Variants in STX8 observed in about 807,000 individuals in gnomAD.
The protein encoded by STX8 is syntaxin-8.
STX8 carries 23 observed loss-of-function variants against 37.5 expected under a neutral mutation model. That is an observed-to-expected ratio of 0.61 (90% CI 0.44 to 0.87). The LOEUF (loss-of-function observed/expected upper bound fraction) is 0.87, where lower values mean the gene tolerates loss of function less well. STX8 is among the 40% of genes least tolerant of loss of function. STX8 has a pLI of 0.00. For missense variants in STX8, 313 were observed against 284.7 expected (o/e 1.10, Z -0.71); for synonymous variants, 115 against 99.1 (o/e 1.16, Z -0.95).
At chr17:9,511,834 A>G (rs534665701) in intron 4 of STX8, among the ~76,000 whole-genome samples, 1 of 152,322 alleles carries the variant, frequency 6.6e-6, no homozygotes, top group Non-Finnish European at 1.5e-5. Flanking sequence ...TATAGAGAGA[A>G]AAGCCTAAAG....
At chr17:9,529,246 T>TGAGA (rs1567598900) in intron 4 of STX8, among the ~76,000 whole-genome samples, 356 of 12,816 alleles carry the variant, frequency 0.028, 3 homozygotes, top group African/African-American at 0.065. Flanking sequence ...GACATAGCTC[T>TGAGA]TAGAGAGAGA....
intron 6 of STX8, among the ~76,000 whole-genome samples, chr17:9,420,538 G>A (rs2142349722): frequency 6.6e-6 from 1 of 152,208 alleles, no homozygotes; most frequent in Non-Finnish European, 1.5e-5. Context: ...GTTCTGGCCT[G>A]TTTCTCAGTC....
At position 9,302,463 on chromosome 17, in the gene STX8, C is replaced by T. The variant is rs148251592; in HGVS notation, c.644-51818G>A. Among the ~76,000 whole-genome samples the T allele has an allele frequency of 4.1e-3, 625 of 152,208 alleles. 2 individuals carry two copies. The highest frequency in any genetic ancestry group is 0.013 in the African/African-American group (555 of 41,520). ...TTAATCTAAAGTCCTAAATGGTATC[C>T]TTAAGTTACCTATTCTTATTTTTTT... On this transcript the variant is annotated intron_variant, in intron 7 of 7. Coordinates refer to ENST00000306357, the MANE Select transcript of STX8 (RefSeq NM_004853.3).
At chr17:9,517,788 TAAAAAAAAAAA>T (rs11318149) in intron 4 of STX8, among the ~76,000 whole-genome samples, 2 of 98,748 alleles carry the variant, frequency 2.0e-5, no homozygotes, top group African/African-American at 7.5e-5. Flanking sequence ...ACCCCTATTG[TAAAAAAAAAAA>T]AAAAAAAAAA....
rs151238616 is a variant in STX8 at position 9,287,963 on chromosome 17, T to C, written c.644-37318A>G. ...CAGGGTTTCACCATGTTGGCCAGGA[T>C]GGTTTCAATCTCTTGACCTTGTGAT... On this transcript the variant is annotated intron_variant, in intron 7 of 7. Coordinates refer to ENST00000306357, the MANE Select transcript of STX8 (RefSeq NM_004853.3). Among the ~76,000 whole-genome samples the C allele has an allele frequency of 6.0e-3, 904 of 151,688 alleles. 7 individuals are homozygous for C. The highest frequency in any genetic ancestry group is 0.02 in the African/African-American group (836 of 41,346).
chr17:9,322,512 G>A (rs752988690), intron 7 of STX8, among the ~76,000 whole-genome samples: 1 of 152,146 alleles, frequency 6.6e-6, no homozygotes, highest in Non-Finnish European at 1.5e-5. Flanking sequence ...ACAGCCCAGG[G>A]GGTGGGACCA....
chr17:9,500,535 G>A (rs1200464344), intron 5 of STX8, among the ~76,000 whole-genome samples: 1 of 152,196 alleles, frequency 6.6e-6, no homozygotes, highest in Non-Finnish European at 1.5e-5. Context: ...GAGGACTGCA[G>A]AGAGTACTCT....
Position 9,446,094 on chromosome 17 carries a change from C to T in STX8, c.541+45735G>A, listed in dbSNP as rs566113553. On this transcript the variant is annotated intron_variant, in intron 6 of 7. Transcript: ENST00000306357. ...CTTGTGATCTGCCCTCCTCAGCCTCCCAAAGTGCTGGGATTACAGGCGTGA... is the reference window on the plus strand; with the variant it reads ...CTTGTGATCTGCCCTCCTCAGCCTCTCAAAGTGCTGGGATTACAGGCGTGA... Among the ~76,000 whole-genome samples, 9 of 152,224 alleles carry T rather than the reference C, an allele frequency of 5.9e-5. No individual in the cohort carries two copies. In the East Asian group the frequency reaches 1.7e-3, roughly 29 times the overall value.
chr17:9,522,541 C>CAAAAAAAAAAAAAAAAAAA (rs33970359), intron 4 of STX8, among the ~76,000 whole-genome samples: 1 of 66,900 alleles, frequency 1.5e-5, no homozygotes, highest in African/African-American at 4.2e-5. Flanking sequence ...ACTAAAAATC[C>CAAAAAAAAAAAAAAAAAAA]AAAAAAAAAA....
At chr17:9,467,407 G>A (rs1024007990) in intron 6 of STX8, 2 of 152,208 alleles carry the variant, frequency 1.3e-5, no homozygotes, top group African/African-American at 2.4e-5. Context: ...CAACAGTGTT[G>A]CAGAGGATCC....
At chr17:9,281,303 G>A (rs994052177) in intron 7 of STX8, among the ~76,000 whole-genome samples, 1 of 152,132 alleles carries the variant, frequency 6.6e-6, no homozygotes, top group Non-Finnish European at 1.5e-5. Context: ...AACTGGCATC[G>A]GACGAGATGT....
intron 4 of STX8, among the ~76,000 whole-genome samples, chr17:9,519,705 C>T (rs1057479177): frequency 6.6e-6 from 1 of 151,592 alleles, no homozygotes; most frequent in Non-Finnish European, 1.5e-5. Context: ...ATCCCCGCTT[C>T]CACACCCTAC....
rs79443550 is a variant in STX8 at position 9,559,169 on chromosome 17, A to G, written c.118-1641T>C. Among the ~76,000 whole-genome samples the G allele has an allele frequency of 8.5e-3, 1,299 of 152,316 alleles. 19 individuals carry two copies. The highest frequency in any genetic ancestry group is 0.03 in the African/African-American group (1,250 of 41,568). ...TAAGAAAATGATCACTTTTGTAATC[A>G]GGAAAAAATGTCATTATCATAATTA... is the stretch of plus-strand genomic sequence containing the variant. On this transcript the variant is annotated intron_variant, in intron 2 of 7. Coordinates refer to ENST00000306357, the MANE Select transcript of STX8 (RefSeq NM_004853.3).
At chr17:9,445,145 T>C (rs1269486457) in intron 6 of STX8, among the ~76,000 whole-genome samples, 2 of 152,168 alleles carry the variant, frequency 1.3e-5, no homozygotes, top group African/African-American at 4.8e-5. Context: ...CCCACCTTTC[T>C]GACCTAAGTT....
intron 6 of STX8, among the ~76,000 whole-genome samples, chr17:9,471,283 C>T (rs1905855921): frequency 6.6e-6 from 1 of 151,138 alleles, no homozygotes; most frequent in Non-Finnish European, 1.5e-5. Flanking sequence ...TCCCGAGTAG[C>T]TGGGATTACA....
intron 4 of STX8, 43 bp downstream of exon 4, chr17:9,545,129 G>T (rs1906449512): frequency 7.3e-7 from 1 of 1,368,372 alleles, no homozygotes; most frequent in East Asian, 2.3e-5. Context: ...CTGCAAAGAA[G>T]TCTTCGCCCA....
chr17:9,269,451 C>T (rs1418292516), intron 7 of STX8, among the ~76,000 whole-genome samples: 4 of 152,172 alleles, frequency 2.6e-5, no homozygotes, highest in Non-Finnish European at 4.4e-5. Context: ...ATACCAGGGA[C>T]GTGTGTATCA....
chr17:9,425,822 G>A (rs1388720881), intron 6 of STX8, among the ~76,000 whole-genome samples: 1 of 152,144 alleles, frequency 6.6e-6, no homozygotes, highest in African/African-American at 2.4e-5. Context: ...AGCACATATT[G>A]GAGTTAGGGA....
chr17:9,374,796 G>C (rs1469383835), intron 7 of STX8, among the ~76,000 whole-genome samples: 2 of 152,008 alleles, frequency 1.3e-5, no homozygotes, highest in Non-Finnish European at 2.9e-5. Flanking sequence ...GGGCGCGGTG[G>C]CTCACACCCG....
Sources: gnomAD v4.1 joint callset for allele counts (sites outside exome capture counted in the v4.1 genomes callset) on GRCh38, gnomAD v4.1.1 for gene constraint, MANE v1.5 for transcripts, NCBI Gene and HGNC (gene_info 2026-07-23, HGNC 2026-07-21) for gene names.